NCAPH2: variants seen among roughly 807,000 people sequenced by gnomAD.
NCAPH2 encodes non-SMC condensin II complex subunit H2.
Under a neutral mutation model 88.6 loss-of-function variants are expected in NCAPH2, and 56 were observed. That is an observed-to-expected ratio of 0.63 (90% CI 0.51 to 0.79). The LOEUF is 0.79. NCAPH2 is among the 30% of genes least tolerant of loss of function. NCAPH2 has a pLI of 0.00. For synonymous variants in NCAPH2, 378 were observed against 313.6 expected, an observed-to-expected ratio of 1.21 and a Z score of -2.17; for missense variants, 794 against 792.0, an observed-to-expected ratio of 1.00 and a Z score of -0.03.
chr22:50,514,730 A>T (rs2068870294), intron 1 of NCAPH2, among the ~76,000 whole-genome samples: 1 of 152,184 alleles, frequency 6.6e-6, no homozygotes, highest in South Asian at 2.1e-4. Flanking sequence ...CACTCCGTAG[A>T]CGACCATGCT....
At chr22:50,508,956 A>T (rs2068707954) in intron 1 of NCAPH2, among the ~76,000 whole-genome samples, 1 of 151,602 alleles carries the variant, frequency 6.6e-6, no homozygotes, top group African/African-American at 2.4e-5. Flanking sequence ...CTTCATTTTT[A>T]CTCCTCAGCC....
Position 50,523,274 on chromosome 22 carries a change from C to A in NCAPH2, c.1717C>A (p.Leu573Met). 4 of 1,609,896 alleles carry A rather than the reference C, an allele frequency of 2.5e-6. No homozygotes were observed. The highest frequency in any genetic ancestry group is 3.4e-6 in the Non-Finnish European group (4 of 1,178,244). ...AGTGGAGATAACCCAGCAGCCCGGG[C>A]TGGAGATGGCCGTGGACACCATGTC... ...YTVEITQQPG[L>M]EMAVDTMSLR... Residue 573 changes from leucine (L) to methionine (M), a missense_variant, in exon 20 of 20, where the codon CTG (leucine) becomes ATG (methionine). By Grantham distance (15) the Leu-to-Met change is conservative. Coordinates refer to ENST00000420993, the MANE Select transcript of NCAPH2 (RefSeq NM_152299.4).
In NCAPH2 at chr22:50,523,250, G is replaced by C; in HGVS notation, c.1693G>C (p.Val565Leu). 6.2e-7 allele frequency: 1 copy of C among 1,612,980 alleles called. No homozygotes were observed. The change falls in exon 20 of 20, where the codon GTG (valine) becomes CTG (leucine). Residue 565 changes from valine to leucine, a missense_variant. Physicochemically the swap from Val to Leu is conservative, Grantham distance 32. This residue lies in a region of NCAPH2 where 735 missense variants were observed against 696.3 expected (regional missense o/e 1.06). Coordinates refer to ENST00000420993, the MANE Select transcript of NCAPH2 (RefSeq NM_152299.4). ...ACCCCTGCAGGCCAATGACTACACA[G>C]TGGAGATAACCCAGCAGCCCGGGCT... ...ASLQLANDYT[V>L]EITQQPGLEM...
In NCAPH2 at chr22:50,517,541, C is replaced by T. The variant is rs770660298; in HGVS notation, c.267-36C>T. The T allele has an allele frequency of 5.6e-6, 9 of 1,613,918 alleles. No individual in the cohort carries two copies. The African/African-American group carries it at 9.3e-5, about 17-fold the overall frequency. On this transcript the variant is annotated intron_variant, in intron 3 of 19. Transcript: ENST00000420993. ...CATGTGGCCAGGGAGGCCCCTGCAG[C>T]TCCTGGGATGCCCACGGGATGTGCT...
At chr22:50,519,818 T>C in intron 9 of NCAPH2, 1 of 914,394 alleles carries the variant, frequency 1.1e-6, no homozygotes, top group Non-Finnish European at 1.3e-6. Context: ...ATTTGTCATA[T>C]TCTATTCATT....
intron 2 of NCAPH2, among the ~76,000 whole-genome samples, chr22:50,517,046 C>G (rs1053655453): frequency 2.6e-5 from 4 of 152,168 alleles, no homozygotes; most frequent in Non-Finnish European, 5.9e-5. Context: ...CGGGAGCACA[C>G]GGGCGGAGGA....
chr22:50,512,933 C>A (rs1365183291), intron 1 of NCAPH2, among the ~76,000 whole-genome samples: 3 of 152,034 alleles, frequency 2.0e-5, no homozygotes, highest in Non-Finnish European at 4.4e-5. Flanking sequence ...GTGCCAAGAA[C>A]CATGTTAAAC....
At chr22:50,508,526 C>T in intron 1 of NCAPH2, 81 bp downstream of exon 1, 1 of 893,150 alleles carries the variant, frequency 1.1e-6, no homozygotes. Flanking sequence ...GGGCTGTGGG[C>T]GCCCCACCGT....
intron 1 of NCAPH2, among the ~76,000 whole-genome samples, chr22:50,510,389 C>A (rs1012227160): frequency 1.3e-5 from 2 of 152,152 alleles, no homozygotes; most frequent in Admixed American, 1.3e-4. Flanking sequence ...CTGTGCACCA[C>A]CACACCTGGC....
At chr22:50,519,104 A>T in intron 8 of NCAPH2, 86 bp from the exon 9 acceptor site, 1 of 1,303,730 alleles carries the variant, frequency 7.7e-7, no homozygotes, top group Non-Finnish European at 1.0e-6. Context: ...ACTAAAGCTG[A>T]GGGAGGAAGT....
chr22:50,519,776 T>A, intron 9 of NCAPH2: 3 of 985,588 alleles, frequency 3.0e-6, no homozygotes, highest in Non-Finnish European at 3.6e-6. Flanking sequence ...AATGTTAACG[T>A]TTCTTCACTC....
intron 9 of NCAPH2, chr22:50,520,720 G>A (rs1216442255): frequency 1.1e-5 from 5 of 463,440 alleles, no homozygotes; most frequent in Middle Eastern, 5.8e-4. Context: ...CACCACACCC[G>A]GCTAATTTTT....
chr22:50,517,649 G>A lies in NCAPH2; in HGVS notation c.339G>A (p.Glu113=). 2 of 1,614,166 alleles carry A rather than the reference G, an allele frequency of 1.2e-6. No individual in the cohort carries two copies. The highest frequency in any genetic ancestry group is 1.7e-6 in the Non-Finnish European group (2 of 1,180,044). Reference sequence around the variant, plus strand: ...TTGCCAGCTCCGGGGTCCCCCAGGAGGCAGAGAATGAGGTGAGTTTCTTTG... The same window carrying A: ...TTGCCAGCTCCGGGGTCCCCCAGGAAGCAGAGAATGAGGTGAGTTTCTTTG... ...NGVASSGVPQ[E]AENEFLSLDD... The change falls in exon 4 of 20, where the codon GAG becomes GAA. Residue 113 remains glutamate, a synonymous_variant. Transcript: ENST00000420993.
chr22:50,523,877 G>A lies in NCAPH2; in HGVS notation c.*502G>A, dbSNP rs780314255. On this transcript the variant is annotated 3_prime_UTR_variant, in exon 20 of 20. Transcript: ENST00000420993. ...CTTGGGTGGAAGTCCTGGACGTAGC[G>A]GGCCATGGCTTCAACGTCGTCCCGC... 4.8e-5 allele frequency: 78 copies of A among 1,613,816 alleles called. No individual in the cohort carries two copies. Among genetic ancestry groups the A allele is most frequent in the Middle Eastern group, 1.6e-4 (1 of 6,082 alleles).
In NCAPH2 at chr22:50,517,589, G is replaced by A. The variant is rs372646427; in HGVS notation, c.279G>A (p.Gln93=). The A allele has an allele frequency of 4.3e-6, 7 of 1,613,982 alleles. No homozygotes were observed. The African/African-American group carries it at 8.0e-5, about 18-fold the overall frequency. ...DFISGKRRAK[Q]LSSVQEDRAN... ...GCTTCTCTCTCAGGCGGGCCAAGCA[G>A]CTCTCTTCGGTGCAGGAGGACAGGG... The change falls in exon 4 of 20, where the codon CAG becomes CAA. Residue 93 remains glutamine (Q), a synonymous_variant. Coordinates refer to ENST00000420993, the MANE Select transcript of NCAPH2 (RefSeq NM_152299.4).
chr22:50,515,541 C>T (rs1479322277), intron 1 of NCAPH2, among the ~76,000 whole-genome samples: 4 of 152,006 alleles, frequency 2.6e-5, no homozygotes, highest in African/African-American at 4.8e-5. Context: ...GGACTACAGG[C>T]GCCCGCCACC....
At position 50,522,941 on chromosome 22, in the gene NCAPH2, G is replaced by A. The variant is rs759478409; in HGVS notation, c.1527+19G>A. The A allele has an allele frequency of 2.0e-5, 33 of 1,612,280 alleles. No homozygotes were observed. Among genetic ancestry groups the A allele is most frequent in the East Asian group, 1.6e-4 (7 of 44,882 alleles). Reference sequence around the variant, plus strand: ...GGAGCAGGTGAGGCGGGGCCGCTGGGAACCAGAGCTGTGTGCCACGGGTCT... The same window carrying A: ...GGAGCAGGTGAGGCGGGGCCGCTGGAAACCAGAGCTGTGTGCCACGGGTCT... On this transcript the variant is annotated intron_variant, in intron 18 of 19. Coordinates refer to ENST00000420993, the MANE Select transcript of NCAPH2 (RefSeq NM_152299.4).
chr22:50,510,585 G>A (rs1313615278), intron 1 of NCAPH2, among the ~76,000 whole-genome samples: 3 of 151,234 alleles, frequency 2.0e-5, no homozygotes, highest in Non-Finnish European at 2.9e-5. Flanking sequence ...GCACCACCAC[G>A]TCCAGTTAAT....
chr22:50,519,101 C>T, intron 8 of NCAPH2, 89 bp from the exon 9 acceptor site: 1 of 1,290,510 alleles, frequency 7.7e-7, no homozygotes, highest in Non-Finnish European at 1.0e-6. Context: ...GTGACTAAAG[C>T]TGAGGGAGGA....
Sources: gnomAD v4.1 joint callset for allele counts (sites outside exome capture counted in the v4.1 genomes callset) on GRCh38, gnomAD v4.1.1 for gene constraint, gnomAD v4.1.1 regional missense constraint, MANE v1.5 for transcripts, NCBI Gene and HGNC (gene_info 2026-07-23, HGNC 2026-07-21) for gene names.